Variants in NAP1L1 observed in about 807,000 individuals in gnomAD.
NAP1L1 encodes nucleosome assembly protein 1 like 1.
NAP1L1 carries 9 observed loss-of-function variants against 58.9 expected under a neutral mutation model. The observed-to-expected ratio is 0.15, with a 90% confidence interval of 0.09 to 0.27. The LOEUF (loss-of-function observed/expected upper bound fraction) is 0.27, where lower values mean the gene tolerates loss of function less well. Ranked by LOEUF, NAP1L1 falls within the 10% of genes least tolerant of loss-of-function variation. NAP1L1 has a pLI of 1.00. For missense variants in NAP1L1, 302 were observed against 458.8 expected, an observed-to-expected ratio of 0.66 and a Z score of 3.12; for synonymous variants, 130 against 138.3, an observed-to-expected ratio of 0.94 and a Z score of 0.42.
intron 3 of NAP1L1, chr12:76,068,607 T>C: frequency 4.0e-6 from 1 of 249,290 alleles, no homozygotes; most frequent in Non-Finnish European, 7.6e-6. Context: ...TCACAACCTG[T>C]AACATTTCTA....
At chr12:76,051,618 G>A (rs915793112) in intron 11 of NAP1L1, among the ~76,000 whole-genome samples, 11 of 152,176 alleles carry the variant, frequency 7.2e-5, no homozygotes, top group South Asian at 4.1e-4. Context: ...TTCCACCTCC[G>A]CCACCAGAGC....
intron 5 of NAP1L1, 116 bp downstream of exon 5, chr12:76,060,022 G>T: frequency 8.1e-7 from 1 of 1,235,908 alleles, no homozygotes; most frequent in Non-Finnish European, 1.1e-6. Flanking sequence ...TCCAAGTGCT[G>T]CCTCTAATAA....
Position 76,037,811 on chromosome 12 carries a change from C to T in NAP1L1, c.*10618G>A, listed in dbSNP as rs1283281473. 6.6e-6 allele frequency: 1 copy of T among 152,234 alleles called. No homozygotes were observed. Among genetic ancestry groups the T allele is most frequent in the African/African-American group, 2.4e-5 (1 of 41,458 alleles). The allele number at this position is 152,234 out of a possible 1,614,324, so 9.4% of individuals were successfully genotyped here. On this transcript the variant is annotated 3_prime_UTR_variant, in exon 15 of 15. Coordinates refer to ENST00000618691, the MANE Select transcript of NAP1L1 (RefSeq NM_004537.7). ...CTGATGAGTAGTTATCCAATTTTCA[C>T]GTCTACTTCACTAAATATCCAAGAT...
rs1948608698 is a variant in NAP1L1 at position 76,046,425 on chromosome 12, T to A, written c.*2004A>T. On this transcript the variant is annotated 3_prime_UTR_variant, in exon 15 of 15. Coordinates refer to ENST00000618691, the MANE Select transcript of NAP1L1 (RefSeq NM_004537.7). Reference sequence around the variant, plus strand: ...GAAAAAGATGATTTTGCTACTTCAGTTCATTAAAAATGGGATTCTATCTTT... The same window carrying A: ...GAAAAAGATGATTTTGCTACTTCAGATCATTAAAAATGGGATTCTATCTTT... 1 of 152,362 alleles carries A rather than the reference T, an allele frequency of 6.6e-6. No homozygotes were observed. The highest frequency in any genetic ancestry group is 2.4e-5 in the African/African-American group (1 of 41,428). The allele number at this position is 152,362 out of a possible 1,614,324, so 9.4% of individuals were successfully genotyped here.
rs912815784 is a variant in NAP1L1, at chr12:76,044,756, C to T, written c.*3673G>A. On this transcript the variant is annotated 3_prime_UTR_variant, in exon 15 of 15. Transcript: ENST00000618691. ...GAAGAAACACAAGATACAAAGCATA[C>T]TGTATTTTTGAAAATATACATCAAT... 6.6e-6 allele frequency: 1 copy of T among 152,180 alleles called. No individual in the cohort carries two copies. Among genetic ancestry groups the T allele is most frequent in the Non-Finnish European group, 1.5e-5 (1 of 68,030 alleles). The allele number at this position is 152,180 out of a possible 1,614,324, so 9.4% of individuals were successfully genotyped here. A position where few individuals can be genotyped will look rare whatever the true frequency, so the allele number is the denominator to read the frequency against.
rs1948573285 is a variant in NAP1L1 at position 76,043,806 on chromosome 12, G to A, written c.*4623C>T. The A allele has an allele frequency of 6.6e-6, 1 of 152,110 alleles. No individual in the cohort carries two copies. Among genetic ancestry groups the A allele is most frequent in the South Asian group, 2.1e-4 (1 of 4,814 alleles). 9.4% of individuals were successfully genotyped at this position (152,110 alleles called of 1,614,324 possible). A position where few individuals can be genotyped will look rare whatever the true frequency, so the allele number is the denominator to read the frequency against. ...TCAGCTAAAAGCTCATACAAATTTT[G>A]AGCCTTCTGGTAGCAACTATTTTAC... On this transcript the variant is annotated 3_prime_UTR_variant, in exon 15 of 15. Transcript: ENST00000618691.
chr12:76,060,023 C>A, intron 5 of NAP1L1, 115 bp downstream of exon 5: 1 of 1,236,260 alleles, frequency 8.1e-7, no homozygotes, highest in South Asian at 1.5e-5. Flanking sequence ...CCAAGTGCTG[C>A]CTCTAATAAC....
chr12:76,045,227 T>G lies in NAP1L1; in HGVS notation c.*3202A>C, dbSNP rs1199007595. 6.6e-6 allele frequency: 1 copy of G among 152,102 alleles called. No individual in the cohort carries two copies. The highest frequency in any genetic ancestry group is 1.5e-5 in the Non-Finnish European group (1 of 67,962). The allele number at this position is 152,102 out of a possible 1,614,324, so 9.4% of individuals were successfully genotyped here. On this transcript the variant is annotated 3_prime_UTR_variant, in exon 15 of 15. Coordinates refer to ENST00000618691, the MANE Select transcript of NAP1L1 (RefSeq NM_004537.7). ...TCTATTCTGTACATTTAAAATAACA[T>G]TTGTTTTGATTTAAAGTCAAAAATA...
At chr12:76,081,340 A>C (rs1224306823) in intron 1 of NAP1L1, among the ~76,000 whole-genome samples, 1 of 152,192 alleles carries the variant, frequency 6.6e-6, no homozygotes, top group East Asian at 1.9e-4. Flanking sequence ...ATACACACAG[A>C]ATTTAAAACA....
rs1282299848 is a variant in NAP1L1, at chr12:76,043,642, A to T, written c.*4787T>A. 1 of 152,202 alleles carries T rather than the reference A, an allele frequency of 6.6e-6. No individual in the cohort carries two copies. Among genetic ancestry groups the T allele is most frequent in the East Asian group, 1.9e-4 (1 of 5,190 alleles). The allele number at this position is 152,202 out of a possible 1,614,324, so 9.4% of individuals were successfully genotyped here. ...TGTATTTCTACCTGTATTTCCAGGT[A>T]TCTCAATTCCTTGAATGTAGCCTCA... is the stretch of plus-strand genomic sequence containing the variant. On this transcript the variant is annotated 3_prime_UTR_variant, in exon 15 of 15. Transcript: ENST00000618691.
At position 76,049,162 on chromosome 12, in the gene NAP1L1, T is replaced by A. The variant is rs1948708505; in HGVS notation, c.1140+38A>T. 3 of 1,564,828 alleles carry A rather than the reference T, an allele frequency of 1.9e-6. No homozygotes were observed. In the African/African-American group the frequency reaches 4.1e-5, roughly 21 times the overall value. ...AAAACACCAACTCTTACTTTAGCTA[T>A]CTTAAATTTAATAGAAAGCAGCACT... is the stretch of plus-strand genomic sequence containing the variant. On this transcript the variant is annotated intron_variant, in intron 14 of 14. Coordinates refer to ENST00000618691, the MANE Select transcript of NAP1L1 (RefSeq NM_004537.7).
chr12:76,055,785 A>G (rs1036492087), intron 7 of NAP1L1, among the ~76,000 whole-genome samples: 1 of 152,276 alleles, frequency 6.6e-6, no homozygotes, highest in Non-Finnish European at 1.5e-5. Context: ...GCACAGGGTT[A>G]TAAGAAAACA....
chr12:76,081,725 C>T (rs1443479080), intron 1 of NAP1L1, among the ~76,000 whole-genome samples: 4 of 152,182 alleles, frequency 2.6e-5, no homozygotes, highest in African/African-American at 4.8e-5. Flanking sequence ...CACTAATGTA[C>T]TCTAATGTTC....
chr12:76,057,504 TGGC>T (rs1949168983), intron 6 of NAP1L1: 1 of 682,660 alleles, frequency 1.5e-6, no homozygotes, highest in African/African-American at 1.8e-5. Context: ...GGAGCAGAGC[TGGC>T]GGGGCCTGTG....
chr12:76,078,003 G>GAAAAAA, intron 1 of NAP1L1, among the ~76,000 whole-genome samples: 1 of 135,966 alleles, frequency 7.4e-6, no homozygotes, highest in Non-Finnish European at 1.5e-5. Context: ...AAAAAAAAAG[G>GAAAAAA]AAAAGAATTA....
chr12:76,076,166 T>C (rs1950161730), intron 1 of NAP1L1, among the ~76,000 whole-genome samples: 2 of 152,154 alleles, frequency 1.3e-5, no homozygotes, highest in South Asian at 4.1e-4. Flanking sequence ...TGGCTCTCAT[T>C]TCAAAGTTTC....
In NAP1L1 at chr12:76,067,401, A is replaced by T. The variant is rs776398744; in HGVS notation, c.176T>A (p.Leu59Gln). The T allele has an allele frequency of 1.2e-6, 2 of 1,610,302 alleles. No individual in the cohort carries two copies. The highest frequency in any genetic ancestry group is 1.7e-6 in the Non-Finnish European group (2 of 1,177,724). ...AATGTATCCTGTTGGTGTTTCTACC[A>T]GACCATCAAGTCTTTCTTGAAGGGC... The part of the protein sequence containing the change: ...LAALQERLDG[L>Q]VETPTGYIES... Residue 59 changes from leucine (L) to glutamine (Q), a missense_variant, in exon 4 of 15, where the codon CTG becomes CAG. Coordinates refer to ENST00000618691, the MANE Select transcript of NAP1L1 (RefSeq NM_004537.7).
chr12:76,053,667 G>T, intron 9 of NAP1L1, 103 bp downstream of exon 9: 1 of 1,352,220 alleles, frequency 7.4e-7, no homozygotes, highest in Non-Finnish European at 1.0e-6. Context: ...AAAATGTTCA[G>T]AGACAGACTA....
At chr12:76,061,183 T>G (rs1012210307) in intron 4 of NAP1L1, 1 of 228,852 alleles carries the variant, frequency 4.4e-6, no homozygotes, top group Admixed American at 5.3e-5. Flanking sequence ...TATTTTAGGT[T>G]TAGGGGTGTA....
Sources: gnomAD v4.1 joint callset for allele counts (sites outside exome capture counted in the v4.1 genomes callset) on GRCh38, gnomAD v4.1.1 for gene constraint, MANE v1.5 for transcripts, NCBI Gene and HGNC (gene_info 2026-07-23, HGNC 2026-07-21) for gene names.